LIPA: variants seen among roughly 807,000 people sequenced by gnomAD.
The protein encoded by LIPA is lipase A, lysosomal acid type, also known as lysosomal acid lipase/cholesteryl ester hydrolase.
LIPA carries 26 observed loss-of-function variants against 40.6 expected under a neutral mutation model. The ratio of observed to expected loss-of-function variants is 0.64; its 90% confidence interval spans 0.47 to 0.89. The LOEUF (loss-of-function observed/expected upper bound fraction) is 0.89. Among genes scored for constraint, LIPA ranks in the 40% least tolerant of loss-of-function variants. LIPA has a pLI of 0.00. For synonymous variants in LIPA, 188 were observed against 168.4 expected (o/e 1.12, Z -0.90); for missense variants, 455 against 479.6 (o/e 0.95, Z 0.48).
intron 2 of LIPA, chr10:89,402,366 G>T (rs1482368468): frequency 2.5e-6 from 4 of 1,614,144 alleles, no homozygotes; most frequent in Admixed American, 1.7e-5. Flanking sequence ...TGATGACGAT[G>T]AAATGCCTGA....
chr10:89,330,759 C>T (rs1468574702), intron 1 of LIPA, among the ~76,000 whole-genome samples: 1 of 152,190 alleles, frequency 6.6e-6, no homozygotes, highest in Non-Finnish European at 1.5e-5. Context: ...CTCAAGATGC[C>T]TGATAATGCT....
upstream of LIPA, among the ~76,000 whole-genome samples, chr10:89,346,157 A>G (rs1003285757): frequency 6.6e-6 from 1 of 152,238 alleles, no homozygotes; most frequent in Non-Finnish European, 1.5e-5. Flanking sequence ...TTGTCAGCCT[A>G]TAATTTGACT....
chr10:89,328,062 C>G, intron 1 of LIPA: 1 of 1,613,936 alleles, frequency 6.2e-7, no homozygotes, highest in Non-Finnish European at 8.5e-7. Flanking sequence ...AGCAGAGACA[C>G]AGAGGGCAGT....
intron 1 of LIPA, among the ~76,000 whole-genome samples, chr10:89,274,182 T>C (rs1843278799): frequency 6.6e-6 from 1 of 152,252 alleles, no homozygotes; most frequent in Non-Finnish European, 1.5e-5. Flanking sequence ...TTTGGTTATT[T>C]GAAATGATTT....
intron 1 of LIPA, among the ~76,000 whole-genome samples, chr10:89,312,440 T>G (rs549699573): frequency 3.9e-5 from 6 of 152,202 alleles, no homozygotes; most frequent in African/African-American, 1.4e-4. Flanking sequence ...GATGAGACCC[T>G]GTCTCAAAAA....
At chr10:89,376,742 C>T (rs1006365542) in intron 2 of LIPA, among the ~76,000 whole-genome samples, 1 of 152,224 alleles carries the variant, frequency 6.6e-6, no homozygotes, top group Non-Finnish European at 1.5e-5. Context: ...ACACCTGTCA[C>T]CTTGGTCTAG....
At chr10:89,289,537 C>A (rs1843360194) in intron 1 of LIPA, among the ~76,000 whole-genome samples, 1 of 152,196 alleles carries the variant, frequency 6.6e-6, no homozygotes, top group African/African-American at 2.4e-5. Context: ...GCCTTTCCCA[C>A]AGGGTCTGAA....
In LIPA at chr10:89,240,944, G is replaced by A. The variant is rs151115671; in HGVS notation, c.229+4732C>T. Among the ~76,000 whole-genome samples, 142 of 152,230 alleles carry A rather than the reference G, an allele frequency of 9.3e-4. 2 individuals are homozygous for A. Among genetic ancestry groups the A allele is most frequent in the African/African-American group, 3.3e-3 (135 of 41,528 alleles). ...GAGAATCAGAAAAGTCTTCATCCCC[G>A]CAGAGTCTGGTGGGGATGACAGAGG... On this transcript the variant is annotated intron_variant, in intron 3 of 9. Coordinates refer to ENST00000336233, the MANE Select transcript of LIPA (RefSeq NM_000235.4).
intron 1 of LIPA, among the ~76,000 whole-genome samples, chr10:89,326,767 G>A (rs1843603531): frequency 6.6e-6 from 1 of 151,916 alleles, no homozygotes; most frequent in East Asian, 1.9e-4. Context: ...CTGTTTCCTG[G>A]GCCCCACCCT....
chr10:89,222,483 A>AC, intron 8 of LIPA, 28 bp downstream of exon 8: 1 of 1,453,002 alleles, frequency 6.9e-7, no homozygotes, highest in Non-Finnish European at 9.7e-7. Context: ...TTTTACATGA[A>AC]CCCCAAATGC....
rs938916516 is a variant in LIPA at position 89,307,759 on chromosome 10, C to T, written c.-2+34852G>A. 2.8e-4 allele frequency: 50 copies of T among 180,968 alleles called. 1 individual carries two copies. The highest frequency in any genetic ancestry group is 2.6e-3 in the Middle Eastern group (1 of 378). The allele number at this position is 180,968 out of a possible 1,614,324, so 11.2% of individuals were successfully genotyped here. ...TGAAGTCCATTTTTGCAATGTTGTT[C>T]CATACTTGGAGTCATTTTGCATCCC... is the stretch of plus-strand genomic sequence containing the variant. On this transcript the variant is annotated intron_variant, in intron 1 of 5. Coordinates refer to the LIPA transcript ENST00000282673.
At chr10:89,247,442 A>G (rs1843041326) in intron 2 of LIPA, 96 bp downstream of exon 2, 1 of 734,914 alleles carries the variant, frequency 1.4e-6, no homozygotes, top group African/African-American at 1.7e-5. Context: ...AAGGAGTTAT[A>G]AAGAGATGAA....
intron 3 of LIPA, among the ~76,000 whole-genome samples, chr10:89,243,366 G>T (rs751766515): frequency 2.6e-5 from 4 of 152,120 alleles, no homozygotes; most frequent in African/African-American, 9.7e-5. Flanking sequence ...CCCCACTGAG[G>T]TTAGCTCATA....
intron 1 of LIPA, among the ~76,000 whole-genome samples, chr10:89,328,769 T>A (rs1843622937): frequency 6.6e-6 from 1 of 152,172 alleles, no homozygotes. Flanking sequence ...TCCTCAAAAG[T>A]GTAATGACCT....
chr10:89,293,689 A>C (rs981592192), intron 1 of LIPA: 9 of 151,194 alleles, frequency 6.0e-5, no homozygotes, highest in Admixed American at 4.6e-4. Flanking sequence ...TGAGAGAGAG[A>C]GAGAGAGAGA....
chr10:89,400,884 C>G (rs1011746662), intron 2 of LIPA, among the ~76,000 whole-genome samples: 13 of 151,984 alleles, frequency 8.6e-5, no homozygotes, highest in African/African-American at 3.1e-4. Context: ...GAATATGATA[C>G]TAGCTATAGG....
intron 1 of LIPA, among the ~76,000 whole-genome samples, chr10:89,248,648 T>G (rs1250058401): frequency 6.8e-6 from 1 of 146,332 alleles, no homozygotes; most frequent in East Asian, 1.9e-4. Context: ...CAAATTTTTT[T>G]GTATTTTTTT....
At chr10:89,364,199 T>C (rs1589622560) in intron 2 of LIPA, among the ~76,000 whole-genome samples, 1 of 152,210 alleles carries the variant, frequency 6.6e-6, no homozygotes. Context: ...GTGGCAGCAA[T>C]ATCAGCACTT....
chr10:89,339,047 A>G, intron 1 of LIPA: 1 of 1,614,132 alleles, frequency 6.2e-7, no homozygotes, highest in Non-Finnish European at 8.5e-7. Context: ...TCAAATCCAT[A>G]CAGTATTGAG....
Sources: allele counts gnomAD v4.1 joint callset (sites outside exome capture counted in the v4.1 genomes callset), GRCh38; gene constraint gnomAD v4.1.1; transcripts MANE v1.5; gene names NCBI Gene and HGNC (gene_info 2026-07-23, HGNC 2026-07-21).